The following ASAP2 variants were observed in gnomAD, a reference collection of about 807,000 sequenced individuals.
ASAP2 encodes the protein arf-GAP with SH3 domain, ANK repeat and PH domain-containing protein 2.
Under a neutral mutation model 131.4 loss-of-function variants are expected in ASAP2, and 45 were observed. The ratio of observed to expected loss-of-function variants is 0.34; its 90% confidence interval spans 0.27 to 0.44. The LOEUF (loss-of-function observed/expected upper bound fraction) is 0.44, where lower values mean the gene tolerates loss of function less well. Among genes scored for constraint, ASAP2 ranks in the 20% least tolerant of loss-of-function variants. ASAP2 has a pLI of 1.00. For missense variants in ASAP2, 1,011 were observed against 1,297.0 expected (o/e 0.78, Z 3.39); for synonymous variants, 510 against 503.0 (o/e 1.01, Z -0.19).
At chr2:9,225,891 A>G (rs1169909213) in intron 1 of ASAP2, among the ~76,000 whole-genome samples, 1 of 152,178 alleles carries the variant, frequency 6.6e-6, no homozygotes, top group Non-Finnish European at 1.5e-5. Context: ...TGGCTGGCAC[A>G]CTCAGGCCGG....
In ASAP2 at chr2:9,389,431, C is replaced by T. The variant is rs1344746213; in HGVS notation, c.2383+885C>T. The stretch of plus-strand genomic sequence containing the variant: ...GGAGCCCACGTCCCCAAATACATCC[C>T]AAACTGTCCTTATGTGGTAGCTGCT... On this transcript the variant is annotated intron_variant, in intron 22 of 27. Transcript: ENST00000281419. This position sits in a 1 kb window ranked among gnomAD's most constrained non-coding sequence, Gnocchi z 4.7. Among the ~76,000 whole-genome samples, 1 of 152,222 alleles carries T rather than the reference C, an allele frequency of 6.6e-6. No individual in the cohort carries two copies. Among genetic ancestry groups the T allele is most frequent in the Non-Finnish European group, 1.5e-5 (1 of 68,028 alleles).
At chr2:9,387,717 T>C (rs1675389435) in intron 21 of ASAP2, among the ~76,000 whole-genome samples, 1 of 152,256 alleles carries the variant, frequency 6.6e-6, no homozygotes, top group Non-Finnish European at 1.5e-5. Context: ...TTTTAACCTG[T>C]AATTAACAGA....
At chr2:9,211,364 T>G (rs2147931734) in intron 1 of ASAP2, among the ~76,000 whole-genome samples, 1 of 152,302 alleles carries the variant, frequency 6.6e-6, no homozygotes, top group East Asian at 1.9e-4. Flanking sequence ...ATTTGAAAAG[T>G]AAGGGTTTTT....
chr2:9,381,683 G>A (rs778004497), intron 20 of ASAP2, among the ~76,000 whole-genome samples: 14 of 152,202 alleles, frequency 9.2e-5, no homozygotes, highest in Non-Finnish European at 2.1e-4. Context: ...GCTACAGTGA[G>A]CCATAATGGT....
intron 1 of ASAP2, chr2:9,271,515 T>A (rs189241569): frequency 5.2e-5 from 77 of 1,488,252 alleles, no homozygotes; most frequent in Admixed American, 1.8e-4. Flanking sequence ...TCCTGCCGTT[T>A]CTCTGTTGAA....
At chr2:9,398,890 C>T (rs1246921349) in intron 24 of ASAP2, 1 of 152,090 alleles carries the variant, frequency 6.6e-6, no homozygotes, top group Non-Finnish European at 1.5e-5. Context: ...ACTGCTGTCT[C>T]AGAGGATCAG....
chr2:9,337,749 C>A (rs543125209), intron 9 of ASAP2, among the ~76,000 whole-genome samples: 1 of 152,226 alleles, frequency 6.6e-6, no homozygotes, highest in South Asian at 2.1e-4. Flanking sequence ...GAGCTTGTGC[C>A]GTTCTGGTCC....
intron 15 of ASAP2, among the ~76,000 whole-genome samples, chr2:9,364,083 A>G (rs961830816): frequency 1.3e-5 from 2 of 152,186 alleles, no homozygotes; most frequent in African/African-American, 4.8e-5. Context: ...TTCAGCTTTG[A>G]TTTTTCAGGT....
chr2:9,365,173 C>G (rs1673371530), intron 15 of ASAP2, among the ~76,000 whole-genome samples: 1 of 152,178 alleles, frequency 6.6e-6, no homozygotes, highest in African/African-American at 2.4e-5. Flanking sequence ...AACTTTTTCC[C>G]TGCACACCAG....
chr2:9,386,158 G>A (rs59370549), intron 21 of ASAP2, among the ~76,000 whole-genome samples: 1,937 of 148,712 alleles, frequency 0.013, 33 homozygotes, highest in African/African-American at 0.046. Flanking sequence ...TTTTTTTTCT[G>A]TAATGCATTA....
At chr2:9,278,266 A>G (rs1489590510) in intron 1 of ASAP2, among the ~76,000 whole-genome samples, 1 of 152,138 alleles carries the variant, frequency 6.6e-6, no homozygotes, top group Non-Finnish European at 1.5e-5. Context: ...TTTACCCAGC[A>G]TGTTGGGAGG....
chr2:9,239,669 G>A (rs1323712505), intron 1 of ASAP2, among the ~76,000 whole-genome samples: 1 of 152,100 alleles, frequency 6.6e-6, no homozygotes, highest in African/African-American at 2.4e-5. Context: ...CCCATCTAAG[G>A]GGCACAAAAC....
intron 1 of ASAP2, among the ~76,000 whole-genome samples, chr2:9,252,113 C>G (rs1664751962): frequency 6.6e-6 from 1 of 152,206 alleles, no homozygotes; most frequent in Non-Finnish European, 1.5e-5. Flanking sequence ...AAGCCGTTAA[C>G]ACACACTGTG....
At position 9,281,869 on chromosome 2, in the gene ASAP2, A is replaced by G. The variant is rs1326799950; in HGVS notation, c.199+2480A>G. Among the ~76,000 whole-genome samples, 1 of 152,142 alleles carries G rather than the reference A, an allele frequency of 6.6e-6. No individual in the cohort carries two copies. The highest frequency in any genetic ancestry group is 1.5e-5 in the Non-Finnish European group (1 of 68,022). The stretch of plus-strand genomic sequence containing the variant: ...GTGAGTAAATACTGCAGAGCACCAG[A>G]TGAGTTCCGAGCTCTTGTGCATTGC... On this transcript the variant is annotated intron_variant, in intron 2 of 27. Coordinates refer to ENST00000281419, the MANE Select transcript of ASAP2 (RefSeq NM_003887.3). The surrounding 1 kb of genome is among the most constrained non-coding windows in gnomAD (Gnocchi z 4.0).
chr2:9,401,244 C>T (rs547093904), intron 26 of ASAP2, 30 bp from the exon 27 acceptor site: 3 of 1,612,480 alleles, frequency 1.9e-6, no homozygotes, highest in East Asian at 2.2e-5. Flanking sequence ...CCTGCAGCCA[C>T]ACTAACCGTT....
chr2:9,346,382 G>A (rs979381246), intron 11 of ASAP2, among the ~76,000 whole-genome samples: 2 of 150,732 alleles, frequency 1.3e-5, no homozygotes, highest in African/African-American at 4.9e-5. Context: ...TTTGTGGTGA[G>A]CCGATATCAC....
intron 1 of ASAP2, among the ~76,000 whole-genome samples, chr2:9,227,686 A>C (rs993240616): frequency 2.0e-5 from 3 of 152,198 alleles, no homozygotes; most frequent in South Asian, 4.1e-4. Flanking sequence ...GTAACCCAGA[A>C]CCAGCTGAGT....
chr2:9,244,833 T>C (rs2709567), intron 1 of ASAP2, among the ~76,000 whole-genome samples: 84,539 of 152,060 alleles, frequency 0.56, 24,788 homozygotes, highest in African/African-American at 0.76. Context: ...ACCCTTTTCA[T>C]TAGATCCTTT....
chr2:9,218,333 G>A (rs1259505694), intron 1 of ASAP2, among the ~76,000 whole-genome samples: 1 of 152,222 alleles, frequency 6.6e-6, no homozygotes, highest in Admixed American at 6.5e-5. Flanking sequence ...CTTAACATCA[G>A]AAGTGTTTAT....
Sources: gnomAD v4.1 joint callset for allele counts (sites outside exome capture counted in the v4.1 genomes callset) on GRCh38, gnomAD v4.1.1 for gene constraint, Gnocchi (gnomAD v3.1) non-coding constraint, MANE v1.5 for transcripts, NCBI Gene and HGNC (gene_info 2026-07-23, HGNC 2026-07-21) for gene names.